The following PTPRO variants were observed in gnomAD, a reference collection of about 807,000 sequenced individuals.
PTPRO encodes receptor-type tyrosine-protein phosphatase O.
In PTPRO, 62 loss-of-function variants were observed where a neutral mutation model predicts 145.2. The ratio of observed to expected loss-of-function variants is 0.43; its 90% CI spans 0.35 to 0.53. PTPRO has a LOEUF of 0.53. Among genes scored for constraint, PTPRO ranks in the 20% least tolerant of loss-of-function variants. The pLI is 0.01. For missense variants in PTPRO, 1,345 were observed against 1,482.7 expected (o/e 0.91, Z 1.53); for synonymous variants, 565 against 514.7 (o/e 1.10, Z -1.32).
At chr12:15,516,477 AAAAG>A (rs1009064338) in intron 8 of PTPRO, among the ~76,000 whole-genome samples, 8 of 132,550 alleles carry the variant, frequency 6.0e-5, no homozygotes, top group Non-Finnish European at 9.9e-5. Flanking sequence ...GAGAAAAAGA[AAAAG>A]AGAGAGAAAG....
intron 12 of PTPRO, among the ~76,000 whole-genome samples, chr12:15,543,710 C>T (rs1943222731): frequency 6.6e-6 from 1 of 152,098 alleles, no homozygotes; most frequent in Non-Finnish European, 1.5e-5. Context: ...CCTTCACTCA[C>T]ATAGATTATA....
At chr12:15,594,420 CA>C (rs1944614864) in intron 25 of PTPRO, among the ~76,000 whole-genome samples, 1 of 151,374 alleles carries the variant, frequency 6.6e-6, no homozygotes, top group African/African-American at 2.4e-5. Flanking sequence ...ATTTAATGTA[CA>C]GCATGGTGAA....
intron 1 of PTPRO, among the ~76,000 whole-genome samples, chr12:15,437,317 C>G (rs879522811): frequency 1.7e-4 from 26 of 151,960 alleles, no homozygotes; most frequent in Admixed American, 1.6e-3. Flanking sequence ...CACCCCACCC[C>G]TCATGTGCAG....
chr12:15,358,473 ACC>A (rs1291201408), intron 1 of PTPRO, among the ~76,000 whole-genome samples: 12 of 152,052 alleles, frequency 7.9e-5, no homozygotes, highest in African/African-American at 2.9e-4. Flanking sequence ...CCCTACTCCT[ACC>A]TAACTCCCCC....
intron 1 of PTPRO, among the ~76,000 whole-genome samples, chr12:15,327,457 G>C (rs937690907): frequency 6.6e-6 from 1 of 152,060 alleles, no homozygotes; most frequent in African/African-American, 2.4e-5. Flanking sequence ...CAACCAACCA[G>C]AACTGACCAA....
At chr12:15,543,226 G>T (rs1203461418) in intron 12 of PTPRO, among the ~76,000 whole-genome samples, 1 of 152,176 alleles carries the variant, frequency 6.6e-6, no homozygotes, top group Non-Finnish European at 1.5e-5. Context: ...GATCACAGGT[G>T]CAGGGACCTT....
intron 25 of PTPRO, among the ~76,000 whole-genome samples, chr12:15,592,664 G>C (rs1008804903): frequency 6.6e-6 from 1 of 152,136 alleles, no homozygotes; most frequent in African/African-American, 2.4e-5. Context: ...CCACTTTACT[G>C]CTGCACAAGT....
rs140888257 is a variant in PTPRO at position 15,379,139 on chromosome 12, G to T, written c.75+56338G>T. On this transcript the variant is annotated intron_variant, in intron 1 of 26. Coordinates refer to ENST00000281171, the MANE Select transcript of PTPRO (RefSeq NM_030667.3). The stretch of plus-strand genomic sequence containing the variant: ...AGTCTGGCATTATCTCTATTCAAAA[G>T]AAATAAAATCATATGACCCACACAA... Among the ~76,000 whole-genome samples, 7 of 152,086 alleles carry T rather than the reference G, an allele frequency of 4.6e-5. No homozygotes were observed. In the East Asian group the frequency reaches 1.4e-3, roughly 29 times the overall value.
intron 12 of PTPRO, among the ~76,000 whole-genome samples, chr12:15,535,092 G>C (rs1943040911): frequency 6.6e-6 from 1 of 152,160 alleles, no homozygotes; most frequent in South Asian, 2.1e-4. Context: ...ACAAATGGTG[G>C]CGCAATTCAC....
intron 10 of PTPRO, among the ~76,000 whole-genome samples, chr12:15,521,367 C>G (rs2300282): frequency 0.44 from 66,380 of 151,988 alleles, 15,084 homozygotes; most frequent in African/African-American, 0.55. Flanking sequence ...GAGCAGAAAA[C>G]TGAAAGAATA....
intron 1 of PTPRO, among the ~76,000 whole-genome samples, chr12:15,430,960 A>G (rs7303098): frequency 0.47 from 71,912 of 152,048 alleles, 17,765 homozygotes; most frequent in South Asian, 0.61. Flanking sequence ...GAATTTTTAT[A>G]GAATATATGG....
intron 1 of PTPRO, among the ~76,000 whole-genome samples, chr12:15,387,486 A>C (rs371988466): frequency 1.3e-5 from 2 of 152,150 alleles, no homozygotes; most frequent in East Asian, 3.9e-4. Flanking sequence ...AGCTGTTCTC[A>C]CCCACTTGGT....
At chr12:15,524,555 A>T (rs1942797454) in intron 10 of PTPRO, among the ~76,000 whole-genome samples, 1 of 152,180 alleles carries the variant, frequency 6.6e-6, no homozygotes, top group South Asian at 2.1e-4. Flanking sequence ...TTTATCCAAA[A>T]GACTTTGATA....
chr12:15,565,499 C>G, intron 17 of PTPRO, 94 bp from the exon 18 acceptor site: 1 of 801,500 alleles, frequency 1.2e-6, no homozygotes, highest in Non-Finnish European at 2.1e-6. Flanking sequence ...AACTGAGGTA[C>G]CTGATGTAAT....
At chr12:15,402,685 G>A (rs1247840741) in intron 1 of PTPRO, among the ~76,000 whole-genome samples, 2 of 152,046 alleles carry the variant, frequency 1.3e-5, no homozygotes, top group African/African-American at 4.8e-5. Context: ...GGTGACAAAT[G>A]ACAAATGTTG....
intron 1 of PTPRO, among the ~76,000 whole-genome samples, chr12:15,415,591 T>G (rs1011319714): frequency 6.6e-6 from 1 of 151,240 alleles, no homozygotes; most frequent in Non-Finnish European, 1.5e-5. Flanking sequence ...TCACTCATGT[T>G]AGCCAGGATG....
At chr12:15,481,419 C>T (rs1941776578) in intron 1 of PTPRO, among the ~76,000 whole-genome samples, 1 of 152,180 alleles carries the variant, frequency 6.6e-6, no homozygotes, top group Non-Finnish European at 1.5e-5. Context: ...ACTTAAGTGT[C>T]AAAATGACTT....
chr12:15,381,888 A>G (rs1404042515), intron 1 of PTPRO, among the ~76,000 whole-genome samples: 1 of 152,152 alleles, frequency 6.6e-6, no homozygotes, highest in East Asian at 1.9e-4. Context: ...TCTAAATTTA[A>G]GCAATTTTTA....
chr12:15,353,974 G>A (rs1320561706), intron 1 of PTPRO, among the ~76,000 whole-genome samples: 2 of 152,110 alleles, frequency 1.3e-5, no homozygotes, highest in African/African-American at 2.4e-5. Context: ...TGGGCTCACT[G>A]GTTTTGGCAT....
Sources: gnomAD v4.1 joint callset for allele counts (sites outside exome capture counted in the v4.1 genomes callset) on GRCh38, gnomAD v4.1.1 for gene constraint, MANE v1.5 for transcripts, NCBI Gene and HGNC (gene_info 2026-07-23, HGNC 2026-07-21) for gene names.